SPOCK3: variants seen among roughly 807,000 people sequenced by gnomAD.
SPOCK3 encodes testican-3.
In SPOCK3, 30 loss-of-function variants were observed where a neutral mutation model predicts 56.6. The ratio of observed to expected loss-of-function variants is 0.53; its 90% confidence interval spans 0.40 to 0.72. The LOEUF is 0.72. Among genes scored for constraint, SPOCK3 ranks in the 30% least tolerant of loss-of-function variants. SPOCK3 has a pLI of 0.00. For missense variants in SPOCK3, 527 were observed against 530.0 expected (o/e 0.99, Z 0.06); for synonymous variants, 196 against 183.3 (o/e 1.07, Z -0.56).
intron 2 of SPOCK3, among the ~76,000 whole-genome samples, chr4:167,137,354 T>C (rs1047484357): frequency 6.6e-6 from 1 of 152,080 alleles, no homozygotes; most frequent in Non-Finnish European, 1.5e-5. Flanking sequence ...GAACCTGAGT[T>C]AATCAAATAT....
intron 2 of SPOCK3, among the ~76,000 whole-genome samples, chr4:167,232,041 C>T (rs1397533779): frequency 7.1e-6 from 1 of 140,068 alleles, no homozygotes; most frequent in Non-Finnish European, 1.5e-5. Context: ...CCTTGAGATC[C>T]TAGAATAACT....
At chr4:167,050,846 A>C (rs1304776289) in intron 3 of SPOCK3, among the ~76,000 whole-genome samples, 1 of 152,166 alleles carries the variant, frequency 6.6e-6, no homozygotes, top group Non-Finnish European at 1.5e-5. Flanking sequence ...TGGAAAAGTC[A>C]AATTCAAAGA....
At chr4:166,935,356 G>A (rs989441822) in intron 4 of SPOCK3, among the ~76,000 whole-genome samples, 3 of 152,108 alleles carry the variant, frequency 2.0e-5, no homozygotes, top group African/African-American at 7.2e-5. Flanking sequence ...AGTCCAACGG[G>A]CGAAATGGTA....
intron 2 of SPOCK3, among the ~76,000 whole-genome samples, chr4:167,159,065 T>C (rs1765057648): frequency 6.6e-6 from 1 of 152,016 alleles, no homozygotes; most frequent in South Asian, 2.1e-4. Context: ...GCACAGGAAC[T>C]AGCAAGAACA....
intron 2 of SPOCK3, among the ~76,000 whole-genome samples, chr4:167,163,248 G>A (rs933426682): frequency 5.4e-5 from 8 of 146,976 alleles, no homozygotes; most frequent in Non-Finnish European, 8.9e-5. Flanking sequence ...CTACATGAAC[G>A]TGTGTTCCTT....
rs563138032 is a variant in SPOCK3 at position 167,159,570 on chromosome 4, G to A, written c.189+74415C>T. Among the ~76,000 whole-genome samples, 101 of 151,974 alleles carry A rather than the reference G, an allele frequency of 6.6e-4. 1 individual carries two copies. In the South Asian group the frequency reaches 0.019, roughly 28 times the overall value. On this transcript the variant is annotated intron_variant, in intron 2 of 10. Coordinates refer to ENST00000357545, the MANE Select transcript of SPOCK3 (RefSeq NM_001040159.2). ...CCAGCATCATCCTGATACCAAAGCC[G>A]GGCAGAGACACAACCAAAAAAGAGA...
At chr4:167,156,697 T>G (rs975054488) in intron 2 of SPOCK3, among the ~76,000 whole-genome samples, 1 of 152,154 alleles carries the variant, frequency 6.6e-6, no homozygotes, top group Non-Finnish European at 1.5e-5. Flanking sequence ...CTATTTTATG[T>G]AAAACAGCCT....
intron 4 of SPOCK3, among the ~76,000 whole-genome samples, chr4:166,996,488 G>A (rs1187303705): frequency 6.6e-6 from 1 of 152,094 alleles, no homozygotes; most frequent in Admixed American, 6.6e-5. Flanking sequence ...AATATAACAA[G>A]TGGATCACAT....
intron 6 of SPOCK3, among the ~76,000 whole-genome samples, chr4:166,857,884 T>A (rs1206425847): frequency 6.6e-6 from 1 of 152,246 alleles, no homozygotes; most frequent in Non-Finnish European, 1.5e-5. Flanking sequence ...TATTTTCTTA[T>A]AATTGTATTC....
chr4:167,142,893 C>T (rs879774941), intron 2 of SPOCK3, among the ~76,000 whole-genome samples: 8 of 151,822 alleles, frequency 5.3e-5, no homozygotes, highest in Admixed American at 2.6e-4. Flanking sequence ...AGGCAACAAA[C>T]GTGTGGATGC....
chr4:166,791,357 A>G (rs144882494), intron 7 of SPOCK3, among the ~76,000 whole-genome samples: 174 of 152,306 alleles, frequency 1.1e-3, no homozygotes, highest in Non-Finnish European at 2.2e-3. Flanking sequence ...TGGATGGATC[A>G]CATCAGGATA....
chr4:166,886,986 T>A (rs1734265650), intron 6 of SPOCK3, among the ~76,000 whole-genome samples: 1 of 152,144 alleles, frequency 6.6e-6, no homozygotes, highest in African/African-American at 2.4e-5. Context: ...GGAGGATTAG[T>A]TTAAATTCTT....
At chr4:166,795,748 A>G (rs1278015980) in intron 6 of SPOCK3, among the ~76,000 whole-genome samples, 3 of 151,954 alleles carry the variant, frequency 2.0e-5, no homozygotes, top group Non-Finnish European at 4.4e-5. Context: ...AGAGTCAATA[A>G]ATATTTTTTT....
chr4:166,852,161 G>C (rs1433580814), intron 6 of SPOCK3, among the ~76,000 whole-genome samples: 2 of 151,956 alleles, frequency 1.3e-5, no homozygotes, highest in Non-Finnish European at 1.5e-5. Flanking sequence ...TTGTGGGGAG[G>C]GGGGAGCGAT....
chr4:166,829,379 CTGAA>C (rs1280056709), intron 6 of SPOCK3, among the ~76,000 whole-genome samples: 1 of 151,914 alleles, frequency 6.6e-6, no homozygotes, highest in Non-Finnish European at 1.5e-5. Context: ...GTAAATAGGG[CTGAA>C]TATTTTATAC....
At chr4:167,209,223 C>T (rs145721172) in intron 2 of SPOCK3, among the ~76,000 whole-genome samples, 1 of 152,088 alleles carries the variant, frequency 6.6e-6, no homozygotes. Flanking sequence ...TTCCATGTTA[C>T]TGGAAATGTA....
chr4:166,767,006 T>C (rs1348799348), intron 7 of SPOCK3, among the ~76,000 whole-genome samples: 1 of 152,226 alleles, frequency 6.6e-6, no homozygotes, highest in African/African-American at 2.4e-5. Context: ...TTGATGGTAG[T>C]TTGTATTTCT....
At chr4:166,772,616 G>T (rs887813383) in intron 7 of SPOCK3, among the ~76,000 whole-genome samples, 1 of 152,244 alleles carries the variant, frequency 6.6e-6, no homozygotes, top group Admixed American at 6.5e-5. Flanking sequence ...ATATTATTGG[G>T]AAATTGATAC....
intron 8 of SPOCK3, among the ~76,000 whole-genome samples, chr4:166,745,027 G>C (rs28782800): frequency 0.33 from 49,721 of 152,036 alleles, 8,337 homozygotes; most frequent in Admixed American, 0.42. Flanking sequence ...GTACGTGAAA[G>C]TGATGGGGAG....
Sources: allele counts gnomAD v4.1 joint callset (sites outside exome capture counted in the v4.1 genomes callset), GRCh38; gene constraint gnomAD v4.1.1; transcripts MANE v1.5; gene names NCBI Gene and HGNC (gene_info 2026-07-23, HGNC 2026-07-21).